Variants in JAK1 observed in about 807,000 individuals in gnomAD.
JAK1 encodes Janus kinase 1.
A neutral mutation model predicts 136.6 loss-of-function variants in JAK1; 16 were observed. That is an observed-to-expected ratio of 0.12 (90% CI 0.08 to 0.18). JAK1 has a LOEUF of 0.18. JAK1 is among the 10% of genes least tolerant of loss of function. The pLI, the probability that JAK1 is intolerant of heterozygous loss-of-function variation, is 1.00. For missense variants in JAK1, 859 were observed against 1,450.1 expected, an observed-to-expected ratio of 0.59 and a Z score of 6.62; for synonymous variants, 492 against 519.5, an observed-to-expected ratio of 0.95 and a Z score of 0.72.
intron 1 of JAK1, among the ~76,000 whole-genome samples, chr1:64,931,356 A>T (rs1451945397): frequency 6.6e-6 from 1 of 152,048 alleles, no homozygotes; most frequent in East Asian, 1.9e-4. Flanking sequence ...TACAACTCCC[A>T]TAAGAAGGGA....
Position 64,844,695 on chromosome 1 carries a change from T to C in JAK1, c.2251+59A>G, listed in dbSNP as rs1244681272. The C allele has an allele frequency of 1.2e-6, 2 of 1,605,872 alleles. No individual in the cohort carries two copies. The highest frequency in any genetic ancestry group is 1.7e-6 in the Non-Finnish European group (2 of 1,173,818). ...GAGACCAACCCCAGCCCAGCCCTTC[T>C]CTCTGCTGACTTGCCCCTGACTCGG... On this transcript the variant is annotated intron_variant, in intron 16 of 24. Transcript: ENST00000342505. The surrounding 1 kb of genome is among the most constrained non-coding windows in gnomAD (Gnocchi z 5.7).
intron 2 of JAK1, among the ~76,000 whole-genome samples, chr1:65,040,398 A>G (rs1647119082): frequency 6.6e-6 from 1 of 151,936 alleles, no homozygotes; most frequent in Non-Finnish European, 1.5e-5. Context: ...CTGTCATCAC[A>G]TCTTCTCCGA....
intron 1 of JAK1, among the ~76,000 whole-genome samples, chr1:64,921,893 T>C (rs934708391): frequency 2.0e-5 from 3 of 152,024 alleles, no homozygotes; most frequent in Admixed American, 1.3e-4. Flanking sequence ...AACTCTGTCC[T>C]TGTAATATGA....
In JAK1 at chr1:64,863,819, TTTAAG is replaced by T. The variant is rs530159839; in HGVS notation, c.1176+963_1176+967del. On this transcript the variant is annotated intron_variant, in intron 8 of 24. Coordinates refer to ENST00000342505, the MANE Select transcript of JAK1 (RefSeq NM_002227.4). ...TTTCCTATTCTCCTATTATTGTATA[TTTAAG>T]TTATTTTCAGAATTTTGACACTTTA... Among the ~76,000 whole-genome samples the T allele has an allele frequency of 2.8e-4, 42 of 152,324 alleles. No individual in the cohort carries two copies. In the East Asian group the frequency reaches 7.5e-3, roughly 27 times the overall value.
intron 2 of JAK1, chr1:64,994,974 A>AAAAAAAAAAAAAAC (rs1557749011): frequency 1.3e-5 from 2 of 151,526 alleles, no homozygotes; most frequent in African/African-American, 4.9e-5. Context: ...AAAAAAAAAA[A>AAAAAAAAAAAAAAC]AAAAAAACCT....
In JAK1 at chr1:64,867,140, C is replaced by T. The variant is rs2101116044; in HGVS notation, c.716G>A (p.Arg239Gln). The change falls in exon 7 of 25, where the codon CGG becomes CAG. Residue 239 changes from arginine (R) to glutamine (Q), a missense_variant. Physicochemically the swap from Arg to Gln is conservative, Grantham distance 43. Around this residue, in one of 4 missense-constraint regions of JAK1, gnomAD observed 353 missense variants for 494.0 expected, o/e 0.71. Coordinates refer to ENST00000342505, the MANE Select transcript of JAK1 (RefSeq NM_002227.4). ...GAAATCCTTGAAAACATTATTTATC[C>T]GCATCCTGGTGAGAAGGTTCCTCTG... ...IRQRNLLTRM[R>Q]INNVFKDFLK... 4 of 1,612,828 alleles carry T rather than the reference C, an allele frequency of 2.5e-6. No individual in the cohort carries two copies. The highest frequency in any genetic ancestry group is 3.4e-6 in the Non-Finnish European group (4 of 1,179,032).
chr1:65,013,842 C>A (rs1349828549), intron 2 of JAK1, among the ~76,000 whole-genome samples: 2 of 152,158 alleles, frequency 1.3e-5, no homozygotes, highest in African/African-American at 4.8e-5. Flanking sequence ...AAAAAGATTT[C>A]AGATGCTGGA....
At chr1:65,022,431 T>C (rs551775666) in intron 2 of JAK1, among the ~76,000 whole-genome samples, 9 of 152,224 alleles carry the variant, frequency 5.9e-5, no homozygotes, top group African/African-American at 2.2e-4. Flanking sequence ...GGAGGGCTCA[T>C]GTGAGGGAAG....
chr1:64,913,725 G>GAAAGA (rs1645340515), intron 1 of JAK1, among the ~76,000 whole-genome samples: 1 of 105,728 alleles, frequency 9.5e-6, no homozygotes, highest in African/African-American at 3.5e-5. Context: ...GGGAGGGAGG[G>GAAAGA]AGGGAGGGAG....
At chr1:64,874,828 A>C (rs562653316) in intron 4 of JAK1, among the ~76,000 whole-genome samples, 6 of 152,302 alleles carry the variant, frequency 3.9e-5, no homozygotes, top group East Asian at 1.9e-4. Flanking sequence ...GCAGAGCCTA[A>C]GACAAGCCAG....
intron 2 of JAK1, among the ~76,000 whole-genome samples, chr1:65,033,426 A>G (rs1647041025): frequency 6.6e-6 from 1 of 151,888 alleles, no homozygotes; most frequent in Admixed American, 6.6e-5. Context: ...ACCTCAAGCA[A>G]TCCTCCCACC....
chr1:65,018,270 C>T (rs763294625), intron 2 of JAK1, among the ~76,000 whole-genome samples: 7 of 151,910 alleles, frequency 4.6e-5, no homozygotes, highest in Admixed American at 2.0e-4. Context: ...CAAGCATCTG[C>T]CTCAGGATAT....
chr1:64,839,889 G>A (rs1654779584), intron 19 of JAK1, 94 bp from the exon 20 acceptor site: 4 of 1,058,148 alleles, frequency 3.8e-6, no homozygotes, highest in South Asian at 3.4e-5. Context: ...GTTCCCCTGA[G>A]GGCCAGGGGT....
chr1:65,044,780 C>T (rs1035977316), intron 1 of JAK1, among the ~76,000 whole-genome samples: 1 of 152,208 alleles, frequency 6.6e-6, no homozygotes. Context: ...CTGAGTGCAA[C>T]AGCAAGATTC....
At chr1:64,960,488 AGTCT>A (rs779483171) in intron 1 of JAK1, among the ~76,000 whole-genome samples, 2 of 152,186 alleles carry the variant, frequency 1.3e-5, no homozygotes, top group African/African-American at 2.4e-5. Flanking sequence ...ACAATCAATC[AGTCT>A]GTTTTCTACT....
At position 64,839,681 on chromosome 1, in the gene JAK1, G is replaced by T. The variant is rs373305681; in HGVS notation, c.2764C>A (p.Leu922Met). Residue 922 changes from leucine to methionine, a missense_variant, in exon 20 of 25, where the codon CTG becomes ATG. Leu to Met is a conservative substitution (Grantham distance 15). Transcript: ENST00000342505. ...CTTAAGATCTCGATTTCCTTTTTCA[G>T]ATCAGCTATGTGGTTACCTCCACTC... Reference protein sequence around the residue: ...PESGGNHIADLKKEIEILRNL... With the variant: ...PESGGNHIADMKKEIEILRNL... The T allele has an allele frequency of 1.2e-6, 2 of 1,614,140 alleles. No homozygotes were observed. Among genetic ancestry groups the T allele is most frequent in the Admixed American group, 1.7e-5 (1 of 60,028 alleles).
At chr1:64,835,941 A>G (rs1276633787) in intron 23 of JAK1, among the ~76,000 whole-genome samples, 157 bp downstream of exon 23, 1 of 152,164 alleles carries the variant, frequency 6.6e-6, no homozygotes, top group Non-Finnish European at 1.5e-5. Flanking sequence ...AGATTCACAA[A>G]TAACTGTCAA....
intron 1 of JAK1, among the ~76,000 whole-genome samples, chr1:64,921,060 T>C (rs1267021609): frequency 1.3e-5 from 2 of 152,206 alleles, no homozygotes; most frequent in East Asian, 1.9e-4. Context: ...GAAAATAATG[T>C]AAGTTGAACT....
At chr1:64,868,352 C>T (rs1656841094) in intron 6 of JAK1, among the ~76,000 whole-genome samples, 1 of 152,098 alleles carries the variant, frequency 6.6e-6, no homozygotes, top group Admixed American at 6.5e-5. Flanking sequence ...TCATCCCTGC[C>T]GCATGGAGTG....
Sources: gnomAD v4.1 joint callset for allele counts (sites outside exome capture counted in the v4.1 genomes callset) on GRCh38, gnomAD v4.1.1 for gene constraint, gnomAD v4.1.1 regional missense constraint, Gnocchi (gnomAD v3.1) non-coding constraint, MANE v1.5 for transcripts, NCBI Gene and HGNC (gene_info 2026-07-23, HGNC 2026-07-21) for gene names.